The following MACROD2 variants were observed in gnomAD, a reference collection of about 807,000 sequenced individuals.
MACROD2 encodes mono-ADP ribosylhydrolase 2, also known as ADP-ribose glycohydrolase MACROD2.
In MACROD2, 36 loss-of-function variants were observed where a neutral mutation model predicts 70.4. The ratio of observed to expected loss-of-function variants is 0.51; its 90% CI spans 0.39 to 0.68. The LOEUF is 0.68. MACROD2 is among the 30% of genes least tolerant of loss of function. MACROD2 has a pLI of 0.00. For missense variants in MACROD2, 496 were observed against 538.4 expected (o/e 0.92, Z 0.78); for synonymous variants, 172 against 178.8 (o/e 0.96, Z 0.30).
chr20:15,557,052 A>G (rs1020484324), intron 8 of MACROD2, among the ~76,000 whole-genome samples: 3 of 152,192 alleles, frequency 2.0e-5, no homozygotes, highest in African/African-American at 4.8e-5. Context: ...GATGAGTCAT[A>G]CAATCATAAT....
At chr20:15,025,769 C>T (rs1409463967) in intron 5 of MACROD2, among the ~76,000 whole-genome samples, 3 of 152,056 alleles carry the variant, frequency 2.0e-5, no homozygotes, top group Non-Finnish European at 4.4e-5. Context: ...GGCCTCTACC[C>T]ATCAGATGCC....
At chr20:14,777,471 T>C (rs2072248255) in intron 5 of MACROD2, among the ~76,000 whole-genome samples, 1 of 152,050 alleles carries the variant, frequency 6.6e-6, no homozygotes, top group Non-Finnish European at 1.5e-5. Flanking sequence ...GTACCTCTGC[T>C]GCTGTTTTAT....
intron 3 of MACROD2, among the ~76,000 whole-genome samples, chr20:14,466,124 A>C (rs1247054975): frequency 1.3e-5 from 2 of 152,056 alleles, no homozygotes; most frequent in African/African-American, 4.8e-5. Context: ...TATCCTGCAG[A>C]GTGTTTTCCA....
intron 6 of MACROD2, among the ~76,000 whole-genome samples, chr20:15,330,019 C>G (rs2077975194): frequency 1.3e-5 from 2 of 152,162 alleles, no homozygotes; most frequent in South Asian, 4.1e-4. Flanking sequence ...TCTGAGCAAA[C>G]AGGCCTTGCT....
intron 3 of MACROD2, among the ~76,000 whole-genome samples, chr20:14,089,400 C>A (rs1394753800): frequency 6.6e-6 from 1 of 152,122 alleles, no homozygotes; most frequent in African/African-American, 2.4e-5. Flanking sequence ...AAAAACAGTA[C>A]CCCTAGTCAC....
At chr20:15,927,151 C>G (rs2065502630) in intron 10 of MACROD2, among the ~76,000 whole-genome samples, 1 of 152,086 alleles carries the variant, frequency 6.6e-6, no homozygotes, top group Non-Finnish European at 1.5e-5. Flanking sequence ...GAAGTTCAAG[C>G]AGAAGCTGAG....
intron 4 of MACROD2, among the ~76,000 whole-genome samples, chr20:14,512,899 A>G (rs1262976268): frequency 1.3e-5 from 2 of 152,062 alleles, no homozygotes; most frequent in African/African-American, 2.4e-5. Flanking sequence ...CCATCTGTAA[A>G]CCTGACATCA....
At chr20:15,809,608 A>G (rs747533521) in intron 8 of MACROD2, among the ~76,000 whole-genome samples, 14 of 152,178 alleles carry the variant, frequency 9.2e-5, no homozygotes, top group Non-Finnish European at 1.5e-4. Context: ...TAATGGAGTG[A>G]GAACCCAGTT....
chr20:14,975,476 C>T (rs796771076), intron 5 of MACROD2, among the ~76,000 whole-genome samples: 7 of 152,040 alleles, frequency 4.6e-5, no homozygotes, highest in African/African-American at 1.4e-4. Context: ...AGAGGGAAGG[C>T]GCAGGGAAGC....
chr20:15,854,641 G>C (rs1455038550), intron 8 of MACROD2, among the ~76,000 whole-genome samples: 1 of 152,196 alleles, frequency 6.6e-6, no homozygotes, highest in East Asian at 1.9e-4. Flanking sequence ...TGTGGCAGCA[G>C]AAAACTGACA....
At chr20:14,046,358 A>C (rs568349282) in intron 2 of MACROD2, among the ~76,000 whole-genome samples, 3 of 152,306 alleles carry the variant, frequency 2.0e-5, no homozygotes, top group East Asian at 1.9e-4. Context: ...AAGGATTTTG[A>C]AATAGATTTT....
At chr20:14,796,944 G>C (rs1216280192) in intron 5 of MACROD2, among the ~76,000 whole-genome samples, 1 of 151,772 alleles carries the variant, frequency 6.6e-6, no homozygotes, top group African/African-American at 2.4e-5. Context: ...AGATATCTCA[G>C]ATCTAAGATG....
At chr20:15,093,065 T>C (rs922248469) in intron 5 of MACROD2, among the ~76,000 whole-genome samples, 5 of 152,196 alleles carry the variant, frequency 3.3e-5, no homozygotes, top group African/African-American at 1.2e-4. Flanking sequence ...AGAATCTTCT[T>C]TACCCTAAAA....
intron 6 of MACROD2, among the ~76,000 whole-genome samples, chr20:15,353,329 T>C (rs2146228147): frequency 6.6e-6 from 1 of 152,206 alleles, no homozygotes; most frequent in East Asian, 1.9e-4. Context: ...GATCCCTTCC[T>C]TACACCTTAT....
rs190051952 is a variant in MACROD2 at position 14,389,072 on chromosome 20, G to A, written c.272-104407G>A. On this transcript the variant is annotated intron_variant, in intron 3 of 17. Coordinates refer to ENST00000684519, the MANE Select transcript of MACROD2 (RefSeq NM_001351661.2). ...TTTTTGTATTTTTAGTAGAGACGGG[G>A]TTTCACCATGTTGGCCAAGCTGGTC... 4.9e-3 allele frequency among the ~76,000 whole-genome samples: 750 copies of A among 151,992 alleles called. 4 individuals carry two copies. The highest frequency in any genetic ancestry group is 0.016 in the African/African-American group (669 of 41,464).
chr20:14,689,638 T>A (rs984424208), intron 5 of MACROD2, among the ~76,000 whole-genome samples: 37 of 152,306 alleles, frequency 2.4e-4, no homozygotes, highest in Non-Finnish European at 4.7e-4. Context: ...GAAAGCTCTT[T>A]CTTTGCTCCT....
chr20:14,941,667 G>C (rs2074390795), intron 5 of MACROD2, among the ~76,000 whole-genome samples: 1 of 152,050 alleles, frequency 6.6e-6, no homozygotes, highest in Non-Finnish European at 1.5e-5. Flanking sequence ...TATATATTTG[G>C]TTTTGTTTTT....
chr20:14,582,330 A>G (rs1981084777), intron 4 of MACROD2, among the ~76,000 whole-genome samples: 1 of 152,060 alleles, frequency 6.6e-6, no homozygotes, highest in Non-Finnish European at 1.5e-5. Context: ...CAAATCTCGA[A>G]TGCTGGAAAA....
chr20:15,691,687 A>G (rs1182418853), intron 8 of MACROD2, among the ~76,000 whole-genome samples: 1 of 152,198 alleles, frequency 6.6e-6, no homozygotes, highest in Non-Finnish European at 1.5e-5. Flanking sequence ...ACAGTCCTGG[A>G]AAGAGAAGAG....
Sources: gnomAD v4.1 joint callset for allele counts (sites outside exome capture counted in the v4.1 genomes callset) on GRCh38, gnomAD v4.1.1 for gene constraint, MANE v1.5 for transcripts, NCBI Gene and HGNC (gene_info 2026-07-23, HGNC 2026-07-21) for gene names.